The following MTA3 variants were observed in gnomAD, a reference collection of about 807,000 sequenced individuals.
MTA3 encodes metastasis-associated protein MTA3.
A neutral mutation model predicts 83.5 loss-of-function variants in MTA3; 34 were observed. The ratio of observed to expected loss-of-function variants is 0.41; its 90% CI spans 0.31 to 0.54. MTA3 has a LOEUF of 0.54. MTA3 is among the 20% of genes least tolerant of loss of function. MTA3 has a pLI of 0.33. For synonymous variants in MTA3, 303 were observed against 252.7 expected (o/e 1.20, Z -1.89); for missense variants, 761 against 726.4 (o/e 1.05, Z -0.55).
chr2:42,699,387 A>G (rs1372370286), intron 11 of MTA3, among the ~76,000 whole-genome samples: 4 of 152,110 alleles, frequency 2.6e-5, no homozygotes, highest in Admixed American at 2.0e-4. Flanking sequence ...TTATAGAGAC[A>G]GTGTCTCCCT....
At chr2:42,711,790 G>T (rs1358843129) in intron 14 of MTA3, among the ~76,000 whole-genome samples, 1 of 148,914 alleles carries the variant, frequency 6.7e-6, no homozygotes, top group Non-Finnish European at 1.5e-5. Flanking sequence ...GAGAGTGTGT[G>T]TGTGTGTGTG....
intron 4 of MTA3, among the ~76,000 whole-genome samples, chr2:42,627,825 A>T (rs562857954): frequency 1.4e-5 from 2 of 141,380 alleles, no homozygotes; most frequent in Non-Finnish European, 3.0e-5. Flanking sequence ...TGATCTGCCC[A>T]CCTGGGCCTT....
intron 9 of MTA3, 42 bp from the exon 10 acceptor site, chr2:42,695,723 A>T (rs2104471477): frequency 8.9e-7 from 1 of 1,129,568 alleles, no homozygotes; most frequent in South Asian, 1.5e-5. Flanking sequence ...TCATTTTATT[A>T]TATGTTAACA....
intron 2 of MTA3, among the ~76,000 whole-genome samples, chr2:42,539,491 C>A (rs1389230562): frequency 6.6e-6 from 1 of 151,950 alleles, no homozygotes; most frequent in African/African-American, 2.4e-5. Flanking sequence ...CACCAGGTCC[C>A]TCTCACCACA....
intron 3 of MTA3, among the ~76,000 whole-genome samples, chr2:42,594,334 T>A (rs544377934): frequency 3.4e-5 from 5 of 145,056 alleles, no homozygotes; most frequent in African/African-American, 1.3e-4. Context: ...CCTCCCGGGC[T>A]CAAGCAATTC....
upstream of MTA3, among the ~76,000 whole-genome samples, chr2:42,567,375 T>C (rs535446676): frequency 6.6e-6 from 1 of 152,310 alleles, no homozygotes; most frequent in East Asian, 1.9e-4. Context: ...CTCAATACTT[T>C]GTGATAAGTG....
At chr2:42,660,189 A>G (rs932638198) in intron 8 of MTA3, among the ~76,000 whole-genome samples, 5 of 152,050 alleles carry the variant, frequency 3.3e-5, no homozygotes, top group African/African-American at 1.2e-4. Flanking sequence ...CCTGGGTTCA[A>G]GTGATTCTCG....
intron 8 of MTA3, among the ~76,000 whole-genome samples, chr2:42,681,996 C>T (rs550965563): frequency 2.0e-5 from 3 of 151,974 alleles, no homozygotes; most frequent in Non-Finnish European, 4.4e-5. Flanking sequence ...CAGTTGAGCC[C>T]AGGAGTTCGA....
chr2:42,709,033 C>G lies in MTA3; in HGVS notation c.1462C>G (p.Arg488Gly), dbSNP rs369640405. ...FARQVCKNTL[R>G]LRQAARRPFV... ...TCGTCAGGTCTGCAAAAATACCCTC[C>G]GGCTGCGGCAGGCAGCAAGACGGCC... Residue 488 changes from arginine to glycine, a missense_variant, in exon 14 of 17, where the codon CGG (arginine) becomes GGG (glycine). Transcript: ENST00000405094. The G allele has an allele frequency of 1.4e-5, 23 of 1,613,796 alleles. No homozygotes were observed. The highest frequency in any genetic ancestry group is 1.9e-5 in the Non-Finnish European group (23 of 1,179,850).
intron 4 of MTA3, among the ~76,000 whole-genome samples, chr2:42,622,024 G>A (rs113401401): frequency 2.2e-4 from 33 of 151,802 alleles, no homozygotes; most frequent in African/African-American, 5.6e-4. Context: ...AGAGGCTGCA[G>A]TCTCGGCACT....
At chr2:42,593,490 A>G (rs1681294356) in intron 3 of MTA3, among the ~76,000 whole-genome samples, 1 of 152,232 alleles carries the variant, frequency 6.6e-6, no homozygotes, top group Admixed American at 6.5e-5. Context: ...TTATACCAGT[A>G]TCATCACAGA....
chr2:42,576,754 G>A (rs981243186), intron 2 of MTA3, among the ~76,000 whole-genome samples: 2 of 150,640 alleles, frequency 1.3e-5, no homozygotes, highest in African/African-American at 4.9e-5. Flanking sequence ...AAAATTAGCC[G>A]GGCATGGTGG....
chr2:42,544,927 C>G lies in MTA3; in HGVS notation c.-140-25510C>G, dbSNP rs372871032. 4.6e-4 allele frequency among the ~76,000 whole-genome samples: 70 copies of G among 152,254 alleles called. 2 individuals are homozygous for G. In the South Asian group the frequency reaches 0.014, roughly 31 times the overall value. On this transcript the variant is annotated intron_variant, in intron 2 of 17. Coordinates refer to the MTA3 transcript ENST00000405592. ...TAACCCTGTAAGGACAACTTCACAG[C>G]TGGCATTTTGACAACCAGCTAATAT...
chr2:42,610,982 C>CTTT (rs773889459), intron 4 of MTA3, among the ~76,000 whole-genome samples: 7 of 135,994 alleles, frequency 5.1e-5, no homozygotes, highest in East Asian at 2.1e-4. Flanking sequence ...CTTTTCTTTT[C>CTTT]TTTTTTTTTT....
chr2:42,729,089 T>TG (rs1668040669), intron 16 of MTA3, among the ~76,000 whole-genome samples: 1 of 104,856 alleles, frequency 9.5e-6, no homozygotes, highest in Non-Finnish European at 1.8e-5. Context: ...AGTTTGAGTT[T>TG]TTTTTTTTTT....
chr2:42,718,367 C>T (rs2104531901), intron 14 of MTA3, among the ~76,000 whole-genome samples: 1 of 151,976 alleles, frequency 6.6e-6, no homozygotes, highest in East Asian at 2.0e-4. Context: ...CCTGCCTCAG[C>T]CTCCCGAGTA....
intron 8 of MTA3, among the ~76,000 whole-genome samples, chr2:42,671,752 G>T (rs1237785049): frequency 1.3e-5 from 2 of 152,134 alleles, no homozygotes; most frequent in Admixed American, 1.3e-4. Flanking sequence ...TGAGAATGTG[G>T]TCAGAGAACA....
chr2:42,606,488 C>G (rs547361801), intron 3 of MTA3, among the ~76,000 whole-genome samples: 34 of 150,122 alleles, frequency 2.3e-4, no homozygotes, highest in Non-Finnish European at 4.3e-4. Flanking sequence ...GATGTGCGGC[C>G]GGGCAGAGAC....
chr2:42,753,394 G>C lies in MTA3; in HGVS notation c.1780G>C (p.Asp594His), dbSNP rs762975125. ...TCTAGAACTCACGTGCTGTGTGTCA[G>C]ACTGAGCTTTCCCTGATTCATTCTA... ...GLDELTCCVS[D>H] Residue 594 changes from aspartate to histidine, a missense_variant, in exon 17 of 17, where the codon GAC (aspartate) becomes CAC (histidine). Physicochemically the swap from Asp to His is moderately conservative, Grantham distance 81. Transcript: ENST00000405094. 3 of 1,550,608 alleles carry C rather than the reference G, an allele frequency of 1.9e-6. No individual in the cohort carries two copies. Among genetic ancestry groups the C allele is most frequent in the Non-Finnish European group, 1.7e-6 (2 of 1,146,984 alleles).
Sources: gnomAD v4.1 joint callset for allele counts (sites outside exome capture counted in the v4.1 genomes callset) on GRCh38, gnomAD v4.1.1 for gene constraint, MANE v1.5 for transcripts, NCBI Gene and HGNC (gene_info 2026-07-23, HGNC 2026-07-21) for gene names.